The following LINGO2 variants were observed in gnomAD, a reference collection of about 807,000 sequenced individuals.
The protein encoded by LINGO2 is leucine rich repeat and Ig domain containing 2.
Under a neutral mutation model 30.6 loss-of-function variants are expected in LINGO2, and 14 were observed. That is an observed-to-expected ratio of 0.46 (90% CI 0.30 to 0.72). The LOEUF (loss-of-function observed/expected upper bound fraction) is 0.72, where lower values mean the gene tolerates loss of function less well. Ranked by LOEUF, LINGO2 falls within the 30% of genes least tolerant of loss-of-function variation. The pLI is 0.07. For synonymous variants in LINGO2, 317 were observed against 288.5 expected, an observed-to-expected ratio of 1.10 and a Z score of -1.00; for missense variants, 729 against 751.7, an observed-to-expected ratio of 0.97 and a Z score of 0.35.
intron 1 of LINGO2, among the ~76,000 whole-genome samples, chr9:28,645,477 C>G (rs1052892353): frequency 6.6e-6 from 1 of 152,132 alleles, no homozygotes; most frequent in African/African-American, 2.4e-5. Flanking sequence ...ATATCTGAAT[C>G]TACTGATAGT....
the LINGO2 span, among the ~76,000 whole-genome samples, chr9:29,112,809 G>C: frequency 6.6e-6 from 1 of 152,088 alleles, no homozygotes; most frequent in Admixed American, 6.6e-5. Context: ...CTTTAACATT[G>C]AAAGCTGATA....
At chr9:28,773,685 T>C in the LINGO2 span, among the ~76,000 whole-genome samples, 1 of 152,230 alleles carries the variant, frequency 6.6e-6, no homozygotes, top group Non-Finnish European at 1.5e-5. Context: ...AATAGTAAGA[T>C]GATATTTTGC....
upstream of LINGO2, among the ~76,000 whole-genome samples, chr9:28,675,201 G>A (rs1829170814): frequency 6.6e-6 from 1 of 152,126 alleles, no homozygotes; most frequent in African/African-American, 2.4e-5. Flanking sequence ...AGAAAGTGAT[G>A]CATTTATTTT....
At chr9:28,911,747 TA>T in the LINGO2 span, among the ~76,000 whole-genome samples, 11 of 152,216 alleles carry the variant, frequency 7.2e-5, no homozygotes, top group Non-Finnish European at 1.2e-4. Context: ...TATTGGAAGG[TA>T]CAGTGTGAAG....
chr9:28,600,331 C>T lies in LINGO2; in HGVS notation c.-365+69869G>A, dbSNP rs550618135. Among the ~76,000 whole-genome samples, 9 of 152,198 alleles carry T rather than the reference C, an allele frequency of 5.9e-5. 1 individual carries two copies. The South Asian group carries it at 1.9e-3, about 32-fold the overall frequency. On this transcript the variant is annotated intron_variant, in intron 1 of 5. Coordinates refer to ENST00000379992, the Ensembl canonical transcript of LINGO2. ...CTTATTTTTGACTCCACCATTACAA[C>T]ATGACAATATTGCATTCATGACACG...
intron 4 of LINGO2, among the ~76,000 whole-genome samples, chr9:28,241,312 C>T (rs1490710953): frequency 1.2e-5 from 1 of 86,086 alleles, no homozygotes; most frequent in African/African-American, 4.8e-5. Flanking sequence ...AAAAAAAAAT[C>T]TAAGAATGTG....
chr9:28,220,479 C>T (rs572785607), intron 4 of LINGO2, among the ~76,000 whole-genome samples: 5 of 152,106 alleles, frequency 3.3e-5, no homozygotes, highest in South Asian at 4.2e-4. Flanking sequence ...GAATAAAATG[C>T]TGCTATGGAT....
At chr9:28,248,215 T>C (rs1299941333) in intron 4 of LINGO2, among the ~76,000 whole-genome samples, 1 of 152,136 alleles carries the variant, frequency 6.6e-6, no homozygotes, top group Non-Finnish European at 1.5e-5. Context: ...TAAGTGTTCA[T>C]TAACAGATGA....
chr9:27,960,726 C>T (rs547190573), intron 5 of LINGO2, among the ~76,000 whole-genome samples: 11 of 149,566 alleles, frequency 7.4e-5, no homozygotes, highest in Non-Finnish European at 1.3e-4. Context: ...CTCATAATCT[C>T]TGCCTTTTGT....
Position 28,004,758 on chromosome 9 carries a change from TG to T in LINGO2, c.-36+7596del, listed in dbSNP as rs543135256. ...TTTTGAAGACAGGTAAGAGAGCTGATGTAGCAGAATGAGAAAGAGACACCAA... is the reference window on the plus strand; with the variant it reads ...TTTTGAAGACAGGTAAGAGAGCTGATTAGCAGAATGAGAAAGAGACACCAA... On this transcript the variant is annotated intron_variant, in intron 5 of 5. Transcript: ENST00000379992. Among the ~76,000 whole-genome samples the T allele has an allele frequency of 2.0e-5, 3 of 152,258 alleles. No homozygotes were observed. In the East Asian group the frequency reaches 5.8e-4, roughly 29 times the overall value.
rs9408132 is a variant in LINGO2, at chr9:28,483,987, A to T, written c.-364-7962T>A. 8.1e-3 allele frequency among the ~76,000 whole-genome samples: 1,235 copies of T among 152,170 alleles called. 16 individuals are homozygous for T. Among genetic ancestry groups the T allele is most frequent in the African/African-American group, 0.028 (1,159 of 41,552 alleles). On this transcript the variant is annotated intron_variant, in intron 1 of 5. Transcript: ENST00000379992. The stretch of plus-strand genomic sequence containing the variant: ...AGATTATGGTAACTTAAGTAGAGAG[A>T]AAGAAATACCACCTCAATATACCAG...
exon 6 of LINGO2, chr9:27,948,728 G>C (rs1281315054): frequency 1.7e-6 from 2 of 1,159,822 alleles, no homozygotes; most frequent in Non-Finnish European, 2.5e-6. Context: ...TGCTTCCATA[G>C]ACCCTGCTTT....
chr9:28,090,258 A>C, intron 4 of LINGO2, among the ~76,000 whole-genome samples: 1 of 152,076 alleles, frequency 6.6e-6, no homozygotes, highest in East Asian at 1.9e-4. Flanking sequence ...GAAACACAAC[A>C]AAAAAAGAGA....
the LINGO2 span, among the ~76,000 whole-genome samples, chr9:28,755,891 C>A: frequency 6.6e-6 from 1 of 152,064 alleles, no homozygotes. Context: ...CTTTGACAAT[C>A]ATCTTCTAAG....
intron 1 of LINGO2, among the ~76,000 whole-genome samples, chr9:28,613,704 T>A (rs12347952): frequency 1.3e-5 from 2 of 152,068 alleles, no homozygotes; most frequent in African/African-American, 4.8e-5. Context: ...TAAAGTAGTA[T>A]AAGAACTAAC....
At chr9:28,486,967 A>G (rs78398004) in intron 1 of LINGO2, among the ~76,000 whole-genome samples, 1,891 of 152,106 alleles carry the variant, frequency 0.012, 19 homozygotes, top group South Asian at 0.028. Flanking sequence ...AAGCAGAGAC[A>G]GCGGGAGCAG....
At chr9:29,062,873 G>A in the LINGO2 span, among the ~76,000 whole-genome samples, 2 of 152,108 alleles carry the variant, frequency 1.3e-5, no homozygotes, top group Non-Finnish European at 2.9e-5. Context: ...ATCCTCAGAA[G>A]CAATGTCTTT....
At chr9:28,940,479 C>T in the LINGO2 span, among the ~76,000 whole-genome samples, 1 of 149,318 alleles carries the variant, frequency 6.7e-6, no homozygotes, top group South Asian at 2.1e-4. Context: ...TTTTTTTTAA[C>T]TTTAAATGAC....
chr9:28,836,631 A>T, the LINGO2 span, among the ~76,000 whole-genome samples: 71 of 152,102 alleles, frequency 4.7e-4, no homozygotes, highest in East Asian at 0.012. Flanking sequence ...AATATTTTTA[A>T]TTTTTTAAAA....
Sources: allele counts gnomAD v4.1 joint callset (sites outside exome capture counted in the v4.1 genomes callset), GRCh38; gene constraint gnomAD v4.1.1; transcripts MANE v1.5; gene names NCBI Gene and HGNC (gene_info 2026-07-23, HGNC 2026-07-21).